The following VPS50 variants were observed in gnomAD, a reference collection of about 807,000 sequenced individuals.
VPS50 encodes VPS50 subunit of EARP/GARPII complex.
VPS50 carries 70 observed loss-of-function variants against 139.7 expected under a neutral mutation model. The observed-to-expected ratio is 0.50, with a 90% CI of 0.41 to 0.61. VPS50 has a LOEUF of 0.61. Ranked by LOEUF, VPS50 falls within the 20% of genes least tolerant of loss-of-function variation. The pLI, the probability that VPS50 is intolerant of heterozygous loss-of-function variation, is 0.00. For missense variants in VPS50, 921 were observed against 1,133.7 expected, an observed-to-expected ratio of 0.81 and a Z score of 2.69; for synonymous variants, 365 against 376.7, an observed-to-expected ratio of 0.97 and a Z score of 0.36.
intron 20 of VPS50, among the ~76,000 whole-genome samples, chr7:93,312,675 ATTC>A (rs748733138): frequency 5.9e-5 from 9 of 151,446 alleles, no homozygotes; most frequent in Non-Finnish European, 1.0e-4. Context: ...TATTTCTTCT[ATTC>A]TTCTATTTCC....
intron 25 of VPS50, 39 bp downstream of exon 25, chr7:93,350,072 T>C (rs746796000): frequency 2.4e-5 from 35 of 1,467,874 alleles, no homozygotes; most frequent in Non-Finnish European, 3.0e-5. Context: ...AAGATCAATC[T>C]ACTAAGAGAA....
chr7:93,246,657 T>G (rs963312599), intron 2 of VPS50, among the ~76,000 whole-genome samples: 10 of 151,850 alleles, frequency 6.6e-5, no homozygotes, highest in Admixed American at 5.3e-4. Flanking sequence ...TTTATAAAAG[T>G]GAATAGAATT....
intron 20 of VPS50, among the ~76,000 whole-genome samples, chr7:93,321,451 T>C (rs951766114): frequency 6.6e-6 from 1 of 152,212 alleles, no homozygotes; most frequent in African/African-American, 2.4e-5. Flanking sequence ...CTCATTCTTA[T>C]ACTCTGTAAT....
intron 2 of VPS50, 51 bp from the exon 3 acceptor site, chr7:93,252,602 T>G (rs774458789): frequency 1.6e-6 from 2 of 1,230,140 alleles, no homozygotes; most frequent in East Asian, 4.7e-5. Context: ...TCCATGCAGA[T>G]ATAATTTTAA....
At chr7:93,307,274 T>TCAGA (rs1160411340) in intron 18 of VPS50, among the ~76,000 whole-genome samples, 30 of 152,040 alleles carry the variant, frequency 2.0e-4, no homozygotes, top group African/African-American at 7.2e-4. Flanking sequence ...ATGAAGCTTA[T>TCAGA]CAGACACACA....
At chr7:93,264,531 A>C (rs1795781276) in intron 9 of VPS50, among the ~76,000 whole-genome samples, 1 of 152,224 alleles carries the variant, frequency 6.6e-6, no homozygotes, top group Admixed American at 6.5e-5. Context: ...TAAGGTTTGC[A>C]TACTGCTGAA....
intron 2 of VPS50, among the ~76,000 whole-genome samples, chr7:93,250,700 T>C (rs1346933276): frequency 6.6e-6 from 1 of 152,186 alleles, no homozygotes. Flanking sequence ...AAATGGGATC[T>C]GATTAAACTA....
chr7:93,307,449 A>G (rs1797148755), intron 18 of VPS50, among the ~76,000 whole-genome samples: 1 of 151,956 alleles, frequency 6.6e-6, no homozygotes, highest in Admixed American at 6.6e-5. Context: ...AAACTTGTTT[A>G]TAGTATGAGA....
At position 93,235,965 on chromosome 7, in the gene VPS50, CAG is replaced by C. The variant is rs1180355521; in HGVS notation, c.33+3466_33+3467del. On this transcript the variant is annotated intron_variant, in intron 1 of 27. Transcript: ENST00000305866. Reference sequence around the variant, plus strand: ...TTTTGAGAATCCAGTGTTAAAAACTCAGGGGGAAGTGGTGGATCTAGGAAAGC... The same window carrying C: ...TTTTGAGAATCCAGTGTTAAAAACTCGGGGAAGTGGTGGATCTAGGAAAGC... Among the ~76,000 whole-genome samples the C allele has an allele frequency of 3.3e-5, 5 of 152,156 alleles. 1 individual carries two copies. In the Middle Eastern group the frequency reaches 9.5e-3, roughly 289 times the overall value.
At chr7:93,328,432 GTATC>G (rs1332644175) in intron 21 of VPS50, among the ~76,000 whole-genome samples, 1 of 152,026 alleles carries the variant, frequency 6.6e-6, no homozygotes, top group Non-Finnish European at 1.5e-5. Context: ...ATATAAATAG[GTATC>G]TATATATTTA....
chr7:93,317,851 G>A (rs371211471), intron 20 of VPS50, among the ~76,000 whole-genome samples: 9 of 151,812 alleles, frequency 5.9e-5, no homozygotes, highest in Non-Finnish European at 1.2e-4. Flanking sequence ...TCCTTGTTTC[G>A]GATACTTGGA....
chr7:93,312,296 A>G (rs1232644904), intron 20 of VPS50, among the ~76,000 whole-genome samples: 2 of 152,190 alleles, frequency 1.3e-5, no homozygotes, highest in East Asian at 3.9e-4. Context: ...CTGACTGAAC[A>G]TAGTGTCAGA....
At position 93,305,926 on chromosome 7, in the gene VPS50, C is replaced by A; in HGVS notation, c.1551C>A (p.Tyr517Ter). ...SSKTVTLFEQ[Y>*]CSGGNPFEIQ... is the part of the protein sequence containing the mutation. ...AAACAGTGACCTTGTTTGAGCAGTA[C>A]TGTAGTGGTGGGAATCCATTTGAAA... Residue 517 changes from tyrosine to a stop codon, truncating the protein, a stop_gained, in exon 18 of 28, where the codon TAC becomes TAA. Transcript: ENST00000305866. LOFTEE classifies it high-confidence loss of function. The A allele has an allele frequency of 6.2e-7, 1 of 1,612,174 alleles. No individual in the cohort carries two copies. Among genetic ancestry groups the A allele is most frequent in the Non-Finnish European group, 8.5e-7 (1 of 1,178,448 alleles).
At chr7:93,259,866 A>G (rs898978220) in intron 9 of VPS50, among the ~76,000 whole-genome samples, 3 of 152,074 alleles carry the variant, frequency 2.0e-5, no homozygotes, top group African/African-American at 7.2e-5. Context: ...CTCATTTTTC[A>G]TATTTTTTCC....
At chr7:93,278,042 G>A (rs992118576) in intron 12 of VPS50, among the ~76,000 whole-genome samples, 2 of 151,994 alleles carry the variant, frequency 1.3e-5, no homozygotes, top group African/African-American at 4.8e-5. Flanking sequence ...ACAAATTAGA[G>A]TTTTGTCTTT....
Position 93,350,045 on chromosome 7 carries a change from G to T in VPS50, c.2463+12G>T, listed in dbSNP as rs572641783. ...ATGCACTATTAAAGGCAAGTGTTCT[G>T]GGAAGCACCTGTGCTAAAGATCAAT... is the stretch of plus-strand genomic sequence containing the variant. On this transcript the variant is annotated intron_variant, in intron 25 of 27. Transcript: ENST00000305866. 5.0e-6 allele frequency: 8 copies of T among 1,601,288 alleles called. No homozygotes were observed. In the East Asian group the frequency reaches 1.6e-4, roughly 31 times the overall value.
chr7:93,259,475 C>A, intron 8 of VPS50, 75 bp from the exon 9 acceptor site: 2 of 749,162 alleles, frequency 2.7e-6, no homozygotes, highest in South Asian at 1.7e-5. Context: ...AGAATATGAA[C>A]AGAGATTTTT....
chr7:93,305,332 C>T (rs1797084108), intron 17 of VPS50, among the ~76,000 whole-genome samples: 1 of 151,538 alleles, frequency 6.6e-6, no homozygotes, highest in African/African-American at 2.4e-5. Context: ...TGGTATATAG[C>T]GAAAAGTAAA....
At chr7:93,271,159 T>C (rs1795995664) in intron 9 of VPS50, 61 bp from the exon 10 acceptor site, 1 of 1,547,808 alleles carries the variant, frequency 6.5e-7, no homozygotes, top group Non-Finnish European at 8.7e-7. Flanking sequence ...TTAGTATGTA[T>C]TTATTTAGCA....
Sources: gnomAD v4.1 joint callset for allele counts (sites outside exome capture counted in the v4.1 genomes callset) on GRCh38, gnomAD v4.1.1 for gene constraint, MANE v1.5 for transcripts, NCBI Gene and HGNC (gene_info 2026-07-23, HGNC 2026-07-21) for gene names.